The following CDH8 variants were observed in gnomAD, a reference collection of about 807,000 sequenced individuals.
CDH8 encodes the protein cadherin-8.
A neutral mutation model predicts 68.1 loss-of-function variants in CDH8; 17 were observed. That is an observed-to-expected ratio of 0.25 (90% CI 0.17 to 0.37). CDH8 has a LOEUF of 0.37. Among genes scored for constraint, CDH8 ranks in the 10% least tolerant of loss-of-function variants. CDH8 has a pLI of 1.00. For missense variants in CDH8, 763 were observed against 999.3 expected (o/e 0.76, Z 3.19); for synonymous variants, 372 against 365.1 (o/e 1.02, Z -0.21).
intron 4 of CDH8, among the ~76,000 whole-genome samples, 177 bp downstream of exon 4, chr16:61,856,942 G>A (rs77014896): frequency 0.021 from 3,129 of 152,158 alleles, 104 homozygotes; most frequent in African/African-American, 0.071. Context: ...GTGATTTGTC[G>A]TAATCAGCAT....
At chr16:61,979,349 T>A (rs948291269) in intron 2 of CDH8, among the ~76,000 whole-genome samples, 5 of 152,196 alleles carry the variant, frequency 3.3e-5, no homozygotes, top group Non-Finnish European at 7.3e-5. Context: ...TGAACTTCTC[T>A]CATTGATTAA....
At chr16:62,017,931 G>A (rs917668817) in intron 2 of CDH8, among the ~76,000 whole-genome samples, 10 of 152,080 alleles carry the variant, frequency 6.6e-5, no homozygotes, top group African/African-American at 2.4e-4. Flanking sequence ...GGCTCCCAGA[G>A]TCTTGTTATT....
chr16:61,761,154 A>G (rs890682952), intron 8 of CDH8, among the ~76,000 whole-genome samples: 2 of 152,210 alleles, frequency 1.3e-5, no homozygotes, highest in African/African-American at 4.8e-5. Context: ...AAGAATACCA[A>G]TATTTCTGAT....
chr16:61,761,524 G>T (rs1960468634), intron 8 of CDH8, among the ~76,000 whole-genome samples: 1 of 152,144 alleles, frequency 6.6e-6, no homozygotes, highest in Admixed American at 6.6e-5. Context: ...CTCCCTTAAT[G>T]GTAGGCAGAG....
At chr16:61,684,022 T>G (rs1299595027) in intron 10 of CDH8, among the ~76,000 whole-genome samples, 3 of 152,048 alleles carry the variant, frequency 2.0e-5, no homozygotes, top group African/African-American at 7.2e-5. Context: ...ATACCTTCCC[T>G]CCAATATTTG....
chr16:61,972,876 G>A (rs533584876), intron 2 of CDH8, among the ~76,000 whole-genome samples: 1 of 152,224 alleles, frequency 6.6e-6, no homozygotes, highest in South Asian at 2.1e-4. Context: ...AGAGAGAAAA[G>A]CATAACCATT....
intron 6 of CDH8, among the ~76,000 whole-genome samples, chr16:61,819,819 T>C (rs1962168875): frequency 6.6e-6 from 1 of 152,094 alleles, no homozygotes; most frequent in Non-Finnish European, 1.5e-5. Context: ...CTCCCAATAG[T>C]GTGGTCCACC....
intron 4 of CDH8, among the ~76,000 whole-genome samples, chr16:61,844,354 A>C (rs930389857): frequency 7.9e-5 from 12 of 151,850 alleles, no homozygotes; most frequent in African/African-American, 2.9e-4. Flanking sequence ...TGGGTGCAGC[A>C]CACCAACATG....
At chr16:61,760,339 TCTCA>T (rs1960430979) in intron 8 of CDH8, among the ~76,000 whole-genome samples, 1 of 149,684 alleles carries the variant, frequency 6.7e-6, no homozygotes, top group Admixed American at 6.6e-5. Flanking sequence ...TGAGACAGAG[TCTCA>T]CTCAGTCGCC....
At chr16:61,879,911 T>G (rs75016715) in intron 3 of CDH8, among the ~76,000 whole-genome samples, 434 of 37,232 alleles carry the variant, frequency 0.012, 1 homozygote, top group African/African-American at 0.029. Flanking sequence ...GTTTTTTGGG[T>G]TTTTTTTGTT....
intron 2 of CDH8, among the ~76,000 whole-genome samples, chr16:61,913,648 A>G (rs541021207): frequency 2.9e-4 from 44 of 152,162 alleles, no homozygotes; most frequent in African/African-American, 1.0e-3. Context: ...TCCCTTCTCC[A>G]TTCCACAAAC....
intron 2 of CDH8, among the ~76,000 whole-genome samples, chr16:61,918,918 C>A (rs1445014354): frequency 2.7e-5 from 4 of 149,506 alleles, no homozygotes; most frequent in African/African-American, 4.9e-5. Flanking sequence ...ATGTCCCTGT[C>A]TGACAGCTTT....
At chr16:62,025,458 C>T (rs1333842853) in intron 1 of CDH8, among the ~76,000 whole-genome samples, 4 of 152,008 alleles carry the variant, frequency 2.6e-5, no homozygotes, top group Admixed American at 6.6e-5. Context: ...GTGCTATTCC[C>T]GTGCAACTTC....
At chr16:61,817,404 G>A (rs1379372029) in intron 7 of CDH8, 75 bp downstream of exon 7, 6 of 1,451,952 alleles carry the variant, frequency 4.1e-6, no homozygotes, top group East Asian at 2.3e-5. Context: ...CCCCACAGAA[G>A]GTACAAGCAA....
In CDH8 at chr16:61,653,049, A is replaced by T; in HGVS notation, c.*559T>A. On this transcript the variant is annotated 3_prime_UTR_variant, in exon 12 of 12. Transcript: ENST00000577390. The stretch of plus-strand genomic sequence containing the variant: ...TCAGTCTCTAGTGAGTGGGGCCAAC[A>T]ATTATGTACAATGTGTGGTCACCGT... 1.4e-6 allele frequency: 2 copies of T among 1,379,886 alleles called. No individual in the cohort carries two copies. The highest frequency in any genetic ancestry group is 1.9e-6 in the Non-Finnish European group (2 of 1,068,458). The allele number at this position is 1,379,886 out of a possible 1,614,324, so 85.5% of individuals were successfully genotyped here.
At chr16:61,654,699 G>C (rs1411051778) in intron 11 of CDH8, among the ~76,000 whole-genome samples, 1 of 152,104 alleles carries the variant, frequency 6.6e-6, no homozygotes, top group East Asian at 1.9e-4. Context: ...TAGTCAGATG[G>C]GCCAAATCAA....
intron 2 of CDH8, among the ~76,000 whole-genome samples, chr16:61,939,700 A>T (rs1380108867): frequency 6.6e-6 from 1 of 152,212 alleles, no homozygotes; most frequent in Admixed American, 6.5e-5. Context: ...TAATCTGAAA[A>T]TGATGGGCTA....
chr16:62,029,734 T>A (rs1902279940), intron 1 of CDH8, among the ~76,000 whole-genome samples: 1 of 152,242 alleles, frequency 6.6e-6, no homozygotes, highest in South Asian at 2.1e-4. Flanking sequence ...TCTACATTCC[T>A]GTGAGGACAG....
rs369833002 is a variant in CDH8 at position 61,972,571 on chromosome 16, G to GGGTGTGTGTGTGTGT, written c.252+48580_252+48581insACACACACACACACC. Among the ~76,000 whole-genome samples the GGGTGTGTGTGTGTGT allele has an allele frequency of 1.7e-3, 222 of 131,536 alleles. 2 individuals are homozygous for GGGTGTGTGTGTGTGT. Among genetic ancestry groups the GGGTGTGTGTGTGTGT allele is most frequent in the African/African-American group, 4.5e-3 (163 of 36,192 alleles). 86.3% of individuals were successfully genotyped at this position (131,536 alleles called of 152,430 possible). A position where few individuals can be genotyped will look rare whatever the true frequency, so the allele number is the denominator to read the frequency against. ...TTTTTTTTTCTGGGAACACATTGTG[G>GGGTGTGTGTGTGTGT]GTGTGTGTGTGTGTGTGTGTGTGTG... On this transcript the variant is annotated intron_variant, in intron 2 of 11. Coordinates refer to ENST00000577390, the MANE Select transcript of CDH8 (RefSeq NM_001796.5).
Sources: gnomAD v4.1 joint callset for allele counts (sites outside exome capture counted in the v4.1 genomes callset) on GRCh38, gnomAD v4.1.1 for gene constraint, MANE v1.5 for transcripts, NCBI Gene and HGNC (gene_info 2026-07-23, HGNC 2026-07-21) for gene names.